Variants in SMPD3 observed in about 807,000 individuals in gnomAD.
SMPD3 encodes the protein sphingomyelin phosphodiesterase 3.
A neutral mutation model predicts 55.7 loss-of-function variants in SMPD3; 21 were observed. The ratio of observed to expected loss-of-function variants is 0.38; its 90% CI spans 0.27 to 0.54. The LOEUF (loss-of-function observed/expected upper bound fraction) is 0.54, where lower values mean the gene tolerates loss of function less well. SMPD3 is among the 20% of genes least tolerant of loss of function. The probability of loss-of-function intolerance (pLI) is 0.80; values close to 1 mark genes in which losing one functional copy is unlikely to be tolerated. For synonymous variants in SMPD3, 457 were observed against 404.3 expected, an observed-to-expected ratio of 1.13 and a Z score of -1.56; for missense variants, 842 against 899.6, an observed-to-expected ratio of 0.94 and a Z score of 0.82.
chr16:68,418,261 C>T (rs2090355210), intron 1 of SMPD3, among the ~76,000 whole-genome samples: 1 of 151,762 alleles, frequency 6.6e-6, no homozygotes, highest in African/African-American at 2.4e-5. Context: ...CCACCGAGTT[C>T]ATCCAGGCAG....
chr16:68,434,516 G>A (rs2090505580), intron 1 of SMPD3, among the ~76,000 whole-genome samples: 1 of 152,122 alleles, frequency 6.6e-6, no homozygotes, highest in Admixed American at 6.6e-5. Flanking sequence ...GCCTACCCTG[G>A]AGCCATTTAA....
intron 1 of SMPD3, among the ~76,000 whole-genome samples, chr16:68,408,368 G>A (rs2152016531): frequency 6.6e-6 from 1 of 152,338 alleles, no homozygotes; most frequent in East Asian, 1.9e-4. Flanking sequence ...TTTGAGCTAT[G>A]AGGAATATTC....
chr16:68,441,372 CT>C (rs2090564607), intron 1 of SMPD3, among the ~76,000 whole-genome samples: 1 of 152,146 alleles, frequency 6.6e-6, no homozygotes, highest in Non-Finnish European at 1.5e-5. Context: ...AGAAAATATC[CT>C]CCTAAATGGA....
intron 2 of SMPD3, among the ~76,000 whole-genome samples, chr16:68,373,406 G>A (rs547197394): frequency 5.6e-4 from 86 of 152,332 alleles, no homozygotes; most frequent in South Asian, 1.7e-3. Flanking sequence ...TGATCACCCC[G>A]TCGGGGAGCC....
chr16:68,398,985 T>A (rs970639085), intron 1 of SMPD3, among the ~76,000 whole-genome samples: 2 of 152,226 alleles, frequency 1.3e-5, no homozygotes, highest in Non-Finnish European at 2.9e-5. Context: ...AACCTTTAAT[T>A]ACGTTTCTTA....
chr16:68,361,045 G>A lies in SMPD3; in HGVS notation c.*161C>T. 1.5e-6 allele frequency: 1 copy of A among 651,504 alleles called. No individual in the cohort carries two copies. The highest frequency in any genetic ancestry group is 2.6e-6 in the Non-Finnish European group (1 of 384,846). 40.4% of individuals were successfully genotyped at this position (651,504 alleles called of 1,614,324 possible). On this transcript the variant is annotated 3_prime_UTR_variant, in exon 9 of 9. Coordinates refer to ENST00000219334, the MANE Select transcript of SMPD3 (RefSeq NM_018667.4). ...TCCTCTGTCCACAGTGAGGCCCAGA[G>A]GCGCAGAGCAGCGCAGCTTCCAGGT... is the stretch of plus-strand genomic sequence containing the variant.
chr16:68,397,041 G>C (rs79449965), intron 1 of SMPD3, among the ~76,000 whole-genome samples: 1 of 152,144 alleles, frequency 6.6e-6, no homozygotes, highest in Non-Finnish European at 1.5e-5. Context: ...TATTGATCCC[G>C]TACTCAGAGA....
intron 1 of SMPD3, among the ~76,000 whole-genome samples, chr16:68,414,615 G>C (rs932410443): frequency 6.6e-6 from 1 of 152,244 alleles, no homozygotes; most frequent in African/African-American, 2.4e-5. Flanking sequence ...TGTCCAAGCA[G>C]GAACAGAAGG....
chr16:68,388,255 AG>A (rs1321649012), intron 1 of SMPD3, among the ~76,000 whole-genome samples: 1 of 152,198 alleles, frequency 6.6e-6, no homozygotes, highest in Non-Finnish European at 1.5e-5. Flanking sequence ...AGTACCTGGC[AG>A]GATCCCTCCC....
At position 68,364,790 on chromosome 16, in the gene SMPD3, C is replaced by T. The variant is rs141206967; in HGVS notation, c.1516G>A (p.Val506Ile). 4.4e-4 allele frequency: 703 copies of T among 1,613,898 alleles called. No individual in the cohort carries two copies. The highest frequency in any genetic ancestry group is 5.4e-4 in the Non-Finnish European group (638 of 1,180,020). The change falls in exon 5 of 9, where the codon GTC becomes ATC. Residue 506 changes from valine (V) to isoleucine (I), a missense_variant. By Grantham distance (29) the Val-to-Ile change is conservative (BLOSUM62 3). This residue lies in a region of SMPD3 where 649 missense variants were observed against 643.6 expected (regional missense o/e 1.01). Transcript: ENST00000219334. ...TCAAAGTTGAAATCTCCACAGACGACGTCAAATGCCACCAGCTCCTCGGGG... is the reference window on the plus strand; with the variant it reads ...TCAAAGTTGAAATCTCCACAGACGATGTCAAATGCCACCAGCTCCTCGGGG... ...ANPEELVAFD[V>I]VCGDFNFDNC... is the part of the protein sequence containing the mutation.
intron 1 of SMPD3, among the ~76,000 whole-genome samples, chr16:68,401,497 CA>C (rs1280975171): frequency 6.6e-6 from 1 of 151,838 alleles, no homozygotes; most frequent in East Asian, 1.9e-4. Flanking sequence ...TGGGATGTTA[CA>C]GGGGGTGAGT....
At chr16:68,436,595 C>T (rs998436921) in intron 1 of SMPD3, among the ~76,000 whole-genome samples, 1 of 152,320 alleles carries the variant, frequency 6.6e-6, no homozygotes, top group South Asian at 2.1e-4. Context: ...TCACAACGCT[C>T]CACTCACTAC....
intron 1 of SMPD3, among the ~76,000 whole-genome samples, chr16:68,442,622 A>G (rs2152035747): frequency 6.6e-6 from 1 of 152,296 alleles, no homozygotes; most frequent in East Asian, 1.9e-4. Context: ...AATCTTAACA[A>G]TCTAAGCTTT....
Position 68,398,328 on chromosome 16 carries a change from T to C in SMPD3, c.-268-11669A>G, listed in dbSNP as rs1318352968. Among the ~76,000 whole-genome samples, 8 of 152,350 alleles carry C rather than the reference T, an allele frequency of 5.3e-5. No homozygotes were observed. The East Asian group carries it at 1.5e-3, about 29-fold the overall frequency. On this transcript the variant is annotated intron_variant, in intron 1 of 8. Transcript: ENST00000219334. ...CTCAAATAACCTTACTTTTTCCTTT[T>C]TCACTTAGAATAGCTGGAAAAGGAG...
rs183998101 is a variant in SMPD3, at chr16:68,364,074, G to C, written c.1556-208C>G. The stretch of plus-strand genomic sequence containing the variant: ...TGTGTCCTTGAGAACACCTCCCCCA[G>C]CACACGCCCTGATCTTCAGCATTCC... On this transcript the variant is annotated intron_variant, in intron 5 of 8. Transcript: ENST00000219334. Among the ~76,000 whole-genome samples, 184 of 152,294 alleles carry C rather than the reference G, an allele frequency of 1.2e-3. 1 individual carries two copies. The highest frequency in any genetic ancestry group is 2.3e-3 in the Non-Finnish European group (155 of 68,030).
At chr16:68,405,349 G>C (rs1054837243) in intron 1 of SMPD3, among the ~76,000 whole-genome samples, 1 of 151,846 alleles carries the variant, frequency 6.6e-6, no homozygotes, top group Non-Finnish European at 1.5e-5. Flanking sequence ...TCAGGAGTTC[G>C]AGACCAGCCT....
chr16:68,429,822 G>T (rs1235793067), intron 1 of SMPD3, among the ~76,000 whole-genome samples: 1 of 152,106 alleles, frequency 6.6e-6, no homozygotes, highest in African/African-American at 2.4e-5. Flanking sequence ...TGGGTCAGCA[G>T]CAAGGAAAGG....
intron 1 of SMPD3, among the ~76,000 whole-genome samples, chr16:68,400,953 G>A (rs898363523): frequency 1.3e-5 from 2 of 152,240 alleles, no homozygotes; most frequent in African/African-American, 2.4e-5. Context: ...ATTATTGGAT[G>A]CTTGTGATTG....
chr16:68,373,172 A>C (rs1234344656), intron 2 of SMPD3, among the ~76,000 whole-genome samples: 1 of 152,142 alleles, frequency 6.6e-6, no homozygotes, highest in South Asian at 2.1e-4. Flanking sequence ...GTCTGGCCCA[A>C]GCTTTAACCG....
Sources: gnomAD v4.1 joint callset for allele counts (sites outside exome capture counted in the v4.1 genomes callset) on GRCh38, gnomAD v4.1.1 for gene constraint, gnomAD v4.1.1 regional missense constraint, MANE v1.5 for transcripts, NCBI Gene and HGNC (gene_info 2026-07-23, HGNC 2026-07-21) for gene names.